The following VANGL1 variants were observed in gnomAD, a reference collection of about 807,000 sequenced individuals.
The protein encoded by VANGL1 is vang-like protein 1.
In VANGL1, 18 loss-of-function variants were observed where a neutral mutation model predicts 48.4. The observed-to-expected ratio is 0.37, with a 90% CI of 0.26 to 0.55. The LOEUF (loss-of-function observed/expected upper bound fraction) is 0.55, where lower values mean the gene tolerates loss of function less well. Among genes scored for constraint, VANGL1 ranks in the 20% least tolerant of loss-of-function variants. VANGL1 has a pLI of 0.81. For synonymous variants in VANGL1, 257 were observed against 261.8 expected (o/e 0.98, Z 0.18); for missense variants, 667 against 675.8 (o/e 0.99, Z 0.14).
intron 1 of VANGL1, among the ~76,000 whole-genome samples, chr1:115,643,219 G>A (rs1158533731): frequency 6.6e-6 from 1 of 152,164 alleles, no homozygotes; most frequent in Non-Finnish European, 1.5e-5. Context: ...CATTTTCACT[G>A]ACATGTTTAT....
chr1:115,691,681 C>A lies in VANGL1; in HGVS notation c.*302C>A. The A allele has an allele frequency of 3.0e-6, 1 of 330,510 alleles. No homozygotes were observed. 20.5% of individuals were successfully genotyped at this position (330,510 alleles called of 1,614,324 possible). On this transcript the variant is annotated 3_prime_UTR_variant, in exon 8 of 8. Coordinates refer to ENST00000355485, the MANE Select transcript of VANGL1 (RefSeq NM_138959.3). ...GAGCTGGTGCTTCTTGGGAGCCTCG[C>A]CTTACAACTAATTCCTGCCTTTCGT...
intron 5 of VANGL1, among the ~76,000 whole-genome samples, chr1:115,683,138 C>T (rs1379335028): frequency 7.3e-6 from 1 of 137,930 alleles, no homozygotes; most frequent in African/African-American, 2.7e-5. Context: ...TTGGCAATAT[C>T]CTTTCAGTTA....
At chr1:115,685,075 C>A (rs1653544613) in intron 6 of VANGL1, among the ~76,000 whole-genome samples, 1 of 152,198 alleles carries the variant, frequency 6.6e-6, no homozygotes, top group African/African-American at 2.4e-5. Flanking sequence ...TTTCCCCCAA[C>A]CCCTGGGGCC....
chr1:115,674,495 GT>G (rs1653093773), intron 4 of VANGL1, among the ~76,000 whole-genome samples: 1 of 152,224 alleles, frequency 6.6e-6, no homozygotes, highest in African/African-American at 2.4e-5. Flanking sequence ...TTTCAGGATA[GT>G]GACTGCATGC....
At chr1:115,642,412 C>G (rs1041404151) in intron 1 of VANGL1, among the ~76,000 whole-genome samples, 1 of 152,106 alleles carries the variant, frequency 6.6e-6, no homozygotes, top group Non-Finnish European at 1.5e-5. Flanking sequence ...CCCTTTCTCC[C>G]CGGGCTGGCC....
At chr1:115,657,219 C>T (rs983700322) in intron 2 of VANGL1, among the ~76,000 whole-genome samples, 1 of 152,200 alleles carries the variant, frequency 6.6e-6, no homozygotes, top group African/African-American at 2.4e-5. Flanking sequence ...TGATTCCTAG[C>T]AATAGCTTCA....
At chr1:115,681,503 G>GTTTTTTTTTT (rs368388367) in intron 4 of VANGL1, among the ~76,000 whole-genome samples, 3 of 114,878 alleles carry the variant, frequency 2.6e-5, no homozygotes, top group Admixed American at 9.3e-5. Context: ...TTTTTTTGTT[G>GTTTTTTTTTT]TTTTTTTTGT....
At chr1:115,645,071 G>T (rs1423855769) in intron 1 of VANGL1, among the ~76,000 whole-genome samples, 3 of 152,126 alleles carry the variant, frequency 2.0e-5, no homozygotes, top group South Asian at 2.1e-4. Context: ...ATGTTTTATA[G>T]ATTTGCCCTG....
intron 4 of VANGL1, among the ~76,000 whole-genome samples, chr1:115,681,192 A>G (rs138674178): frequency 6.6e-6 from 1 of 152,314 alleles, no homozygotes; most frequent in East Asian, 1.9e-4. Context: ...CCCTTGCTGT[A>G]TCATTGCAAG....
Position 115,659,733 on chromosome 1 carries a change from C to G in VANGL1, c.164C>G (p.Pro55Arg). 1 of 1,614,076 alleles carries G rather than the reference C, an allele frequency of 6.2e-7. No individual in the cohort carries two copies. Among genetic ancestry groups the G allele is most frequent in the African/African-American group, 1.3e-5 (1 of 74,990 alleles). Residue 55 changes from proline (P) to arginine (R), a missense_variant, in exon 3 of 8, where the codon CCC becomes CGC. Physicochemically the swap from Pro to Arg is moderately radical, Grantham distance 103. Coordinates refer to ENST00000355485, the MANE Select transcript of VANGL1 (RefSeq NM_138959.3). The part of the protein sequence containing the change: ...SVTIQPPTGE[P>R]LLGNDSTRTE... ...ACCATTCAACCTCCCACTGGAGAGCCCCTGTTGGGAAATGATTCTACTCGG... is the reference window on the plus strand; with the variant it reads ...ACCATTCAACCTCCCACTGGAGAGCGCCTGTTGGGAAATGATTCTACTCGG...
At chr1:115,664,374 A>G in intron 4 of VANGL1, 106 bp downstream of exon 4, 3 of 1,486,842 alleles carry the variant, frequency 2.0e-6, no homozygotes, top group Non-Finnish European at 1.8e-6. Flanking sequence ...AGCTAGGACC[A>G]GAGTCTGACT....
intron 2 of VANGL1, among the ~76,000 whole-genome samples, chr1:115,657,279 G>C (rs1436061062): frequency 6.6e-6 from 1 of 152,176 alleles, no homozygotes; most frequent in African/African-American, 2.4e-5. Context: ...GTGTGAGAAT[G>C]AGCTTTAAGA....
At chr1:115,658,562 A>G (rs1652430163) in intron 2 of VANGL1, among the ~76,000 whole-genome samples, 1 of 152,186 alleles carries the variant, frequency 6.6e-6, no homozygotes, top group Admixed American at 6.5e-5. Context: ...CAGATCCAAG[A>G]TCTGTTTGTC....
At chr1:115,657,089 G>T (rs1235852629) in intron 2 of VANGL1, among the ~76,000 whole-genome samples, 2 of 152,176 alleles carry the variant, frequency 1.3e-5, no homozygotes, top group East Asian at 3.8e-4. Context: ...TAACAACGTG[G>T]GAAGTCTCTC....
chr1:115,691,414 G>T lies in VANGL1; in HGVS notation c.*35G>T. 5 of 1,568,880 alleles carry T rather than the reference G, an allele frequency of 3.2e-6. No individual in the cohort carries two copies. In the East Asian group the frequency reaches 9.1e-5, roughly 29 times the overall value. ...ATTTGTGGCTTTATTAAAAAAAAAAGAAAAATATATAGAGAGATATATATC... is the reference window on the plus strand; with the variant it reads ...ATTTGTGGCTTTATTAAAAAAAAAATAAAAATATATAGAGAGATATATATC... On this transcript the variant is annotated 3_prime_UTR_variant, in exon 8 of 8. Transcript: ENST00000355485.
intron 2 of VANGL1, 108 bp from the exon 3 acceptor site, chr1:115,659,528 TGTGTG>T: frequency 7.7e-7 from 1 of 1,306,910 alleles, no homozygotes; most frequent in East Asian, 2.3e-5. Flanking sequence ...TGTGTGTGTG[TGTGTG>T]TGTGTGTATG....
intron 4 of VANGL1, among the ~76,000 whole-genome samples, chr1:115,675,768 C>T (rs540818565): frequency 2.6e-4 from 40 of 152,130 alleles, no homozygotes; most frequent in African/African-American, 8.0e-4. Flanking sequence ...CCAGCTTGGG[C>T]GACAGAGCGA....
At chr1:115,689,918 G>A (rs1461236840) in intron 7 of VANGL1, among the ~76,000 whole-genome samples, 3 of 136,302 alleles carry the variant, frequency 2.2e-5, no homozygotes, top group Middle Eastern at 3.9e-3. Flanking sequence ...ATTCTGCCAC[G>A]GCACTCCAGC....
At chr1:115,658,900 C>T (rs560698955) in intron 2 of VANGL1, among the ~76,000 whole-genome samples, 3 of 152,048 alleles carry the variant, frequency 2.0e-5, no homozygotes, top group African/African-American at 4.8e-5. Context: ...TAAAATGATG[C>T]AGCAGCCTGC....
Sources: gnomAD v4.1 joint callset for allele counts (sites outside exome capture counted in the v4.1 genomes callset) on GRCh38, gnomAD v4.1.1 for gene constraint, MANE v1.5 for transcripts, NCBI Gene and HGNC (gene_info 2026-07-23, HGNC 2026-07-21) for gene names.